EXOC6B: variants seen among roughly 807,000 people sequenced by gnomAD.
The protein encoded by EXOC6B is exocyst complex component 6B, also known as SEC15 homolog B.
In EXOC6B, 54 loss-of-function variants were observed where a neutral mutation model predicts 113.5. That is an observed-to-expected ratio of 0.48 (90% confidence interval 0.38 to 0.60). EXOC6B has a LOEUF of 0.60. Among genes scored for constraint, EXOC6B ranks in the 20% least tolerant of loss-of-function variants. EXOC6B has a pLI of 0.00. For synonymous variants in EXOC6B, 357 were observed against 339.0 expected (o/e 1.05, Z -0.58); for missense variants, 797 against 977.5 (o/e 0.82, Z 2.46).
At chr2:72,528,133 A>G (rs554031961) in intron 8 of EXOC6B, among the ~76,000 whole-genome samples, 1 of 152,000 alleles carries the variant, frequency 6.6e-6, no homozygotes, top group Non-Finnish European at 1.5e-5. Flanking sequence ...GCCTACCCTT[A>G]GATTCTGAAG....
At chr2:72,300,639 G>C (rs2104752064) in intron 20 of EXOC6B, among the ~76,000 whole-genome samples, 1 of 152,324 alleles carries the variant, frequency 6.6e-6, no homozygotes, top group Admixed American at 6.5e-5. Context: ...TTGAAACCCA[G>C]GGCCCTGGTG....
chr2:72,588,226 A>G (rs1705710328), intron 6 of EXOC6B, among the ~76,000 whole-genome samples: 1 of 152,140 alleles, frequency 6.6e-6, no homozygotes, highest in Non-Finnish European at 1.5e-5. Context: ...AATACCTGCA[A>G]GCACATGTCC....
chr2:72,741,069 A>C (rs916458033), intron 2 of EXOC6B, among the ~76,000 whole-genome samples: 10 of 151,262 alleles, frequency 6.6e-5, no homozygotes, highest in Non-Finnish European at 1.3e-4. Flanking sequence ...GCACCACTGC[A>C]CTCCAGCCTG....
chr2:72,432,130 A>C (rs1334398871), intron 18 of EXOC6B, among the ~76,000 whole-genome samples: 1 of 151,692 alleles, frequency 6.6e-6, no homozygotes, highest in Non-Finnish European at 1.5e-5. Flanking sequence ...TCCGTCTCCC[A>C]GGTTCAAGCG....
At position 72,465,184 on chromosome 2, in the gene EXOC6B, G is replaced by T; in HGVS notation, c.1956C>A (p.Thr652=). 6.2e-7 allele frequency: 1 copy of T among 1,611,876 alleles called. No homozygotes were observed. Among genetic ancestry groups the T allele is most frequent in the Non-Finnish European group, 8.5e-7 (1 of 1,179,024 alleles). Residue 652 remains threonine (T), a synonymous_variant, in exon 18 of 22, where the codon ACC becomes ACA. Transcript: ENST00000272427. Reference sequence around the variant, plus strand: ...CAGGAAGGTGTGTGAATACAGCAAAGGTGCTACGAAGAAAGGCAATGAGGT... The same window carrying T: ...CAGGAAGGTGTGTGAATACAGCAAATGTGCTACGAAGAAAGGCAATGAGGT... ...LVDLIAFLRS[T]FAVFTHLPGK...
intron 11 of EXOC6B, among the ~76,000 whole-genome samples, chr2:72,507,028 G>C (rs1177621220): frequency 6.6e-6 from 1 of 151,922 alleles, no homozygotes; most frequent in Non-Finnish European, 1.5e-5. Flanking sequence ...CTTATGTTTT[G>C]AAATCAGCAC....
At chr2:72,738,208 T>C (rs936692584) in intron 2 of EXOC6B, among the ~76,000 whole-genome samples, 1 of 152,176 alleles carries the variant, frequency 6.6e-6, no homozygotes, top group South Asian at 2.1e-4. Flanking sequence ...ATTTACACTC[T>C]CATGTTCTCA....
chr2:72,213,209 A>C (rs533809881), intron 20 of EXOC6B, among the ~76,000 whole-genome samples: 2 of 152,324 alleles, frequency 1.3e-5, no homozygotes, highest in African/African-American at 4.8e-5. Context: ...GAGTGAAGCC[A>C]TCCTGGTATT....
At chr2:72,513,946 A>G (rs771465758) in intron 10 of EXOC6B, among the ~76,000 whole-genome samples, 7 of 152,148 alleles carry the variant, frequency 4.6e-5, no homozygotes, top group African/African-American at 9.6e-5. Flanking sequence ...TCTGAAAAAA[A>G]TAAACCTGAT....
In EXOC6B at chr2:72,177,612, T is replaced by C. The variant is rs1677811061; in HGVS notation, c.*1723A>G. ...CCTCAGCAGCATCTATGAGCTCACA[T>C]GTAGCCTGGTCTCTCCAGCTTTGAG... On this transcript the variant is annotated 3_prime_UTR_variant, in exon 22 of 22. Coordinates refer to ENST00000272427, the MANE Select transcript of EXOC6B (RefSeq NM_015189.3). 6.6e-6 allele frequency: 1 copy of C among 152,236 alleles called. No homozygotes were observed. Among genetic ancestry groups the C allele is most frequent in the Non-Finnish European group, 1.5e-5 (1 of 68,082 alleles). 9.4% of individuals were successfully genotyped at this position (152,236 alleles called of 1,614,324 possible).
At chr2:72,655,645 C>A (rs1674521399) in intron 6 of EXOC6B, among the ~76,000 whole-genome samples, 2 of 151,810 alleles carry the variant, frequency 1.3e-5, no homozygotes, top group African/African-American at 2.4e-5. Context: ...AAAATAAGAA[C>A]CTAAAAATAG....
intron 20 of EXOC6B, among the ~76,000 whole-genome samples, chr2:72,197,983 G>C (rs55994075): frequency 0.071 from 10,792 of 152,188 alleles, 529 homozygotes; most frequent in African/African-American, 0.14. Flanking sequence ...ACAGGACAGA[G>C]CAAAGAGGAG....
intron 6 of EXOC6B, among the ~76,000 whole-genome samples, chr2:72,586,481 G>A (rs549201298): frequency 3.3e-5 from 5 of 152,204 alleles, no homozygotes; most frequent in East Asian, 3.9e-4. Context: ...GGCCAGGCGC[G>A]GTGGCTCAAG....
Position 72,264,838 on chromosome 2 carries a change from T to A in EXOC6B, c.2196+70109A>T, listed in dbSNP as rs757181214. ...CCTTGTGAAGAGGTGCTTTCCTCTATGATCATAAATTTCCTGAGGCCTCCT... is the reference window on the plus strand; with the variant it reads ...CCTTGTGAAGAGGTGCTTTCCTCTAAGATCATAAATTTCCTGAGGCCTCCT... On this transcript the variant is annotated intron_variant, in intron 20 of 21. Transcript: ENST00000272427. 8.9e-4 allele frequency among the ~76,000 whole-genome samples: 135 copies of A among 152,102 alleles called. 1 individual carries two copies. Among genetic ancestry groups the A allele is most frequent in the Non-Finnish European group, 1.3e-3 (89 of 68,010 alleles).
intron 3 of EXOC6B, 109 bp downstream of exon 3, chr2:72,732,962 T>C: frequency 1.3e-6 from 1 of 774,810 alleles, no homozygotes; most frequent in South Asian, 1.5e-5. Flanking sequence ...AATGTCCAAG[T>C]ACTTCCAACA....
At chr2:72,266,733 T>C (rs1237947149) in intron 20 of EXOC6B, among the ~76,000 whole-genome samples, 1 of 152,286 alleles carries the variant, frequency 6.6e-6, no homozygotes, top group East Asian at 1.9e-4. Flanking sequence ...GACTTGGTGA[T>C]GCGGGCTCTT....
At chr2:72,504,425 G>A (rs994264223) in intron 11 of EXOC6B, among the ~76,000 whole-genome samples, 13 of 151,824 alleles carry the variant, frequency 8.6e-5, no homozygotes, top group African/African-American at 2.9e-4. Context: ...TTTCTTTCTC[G>A]CTTCTTTCAT....
intron 19 of EXOC6B, among the ~76,000 whole-genome samples, chr2:72,335,722 G>C (rs967531682): frequency 1.3e-5 from 2 of 152,040 alleles, no homozygotes; most frequent in Non-Finnish European, 1.5e-5. Context: ...GCACATGTCT[G>C]TCCTTCTAGT....
At position 72,413,549 on chromosome 2, in the gene EXOC6B, G is replaced by T. The variant is rs183527049; in HGVS notation, c.1981-33679C>A. Among the ~76,000 whole-genome samples the T allele has an allele frequency of 5.9e-5, 9 of 151,596 alleles. No homozygotes were observed. The East Asian group carries it at 1.8e-3, about 30-fold the overall frequency. On this transcript the variant is annotated intron_variant, in intron 18 of 21. Coordinates refer to ENST00000272427, the MANE Select transcript of EXOC6B (RefSeq NM_015189.3). ...AATACAAAAATTAGCTGGGTGTAGTGGTACGCACCTGTAATCCCAGCTACT... is the reference window on the plus strand; with the variant it reads ...AATACAAAAATTAGCTGGGTGTAGTTGTACGCACCTGTAATCCCAGCTACT...
Sources: allele counts gnomAD v4.1 joint callset (sites outside exome capture counted in the v4.1 genomes callset), GRCh38; gene constraint gnomAD v4.1.1; transcripts MANE v1.5; gene names NCBI Gene and HGNC (gene_info 2026-07-23, HGNC 2026-07-21).